DSC3: variants seen among roughly 807,000 people sequenced by gnomAD.
DSC3 encodes the protein desmocollin 3.
A neutral mutation model predicts 89.5 loss-of-function variants in DSC3; 97 were observed. That is an observed-to-expected ratio of 1.08 (90% CI 0.92 to 1.28). The LOEUF (loss-of-function observed/expected upper bound fraction) is 1.28. DSC3 is among the 50% of genes most tolerant of loss of function. The pLI, the probability that DSC3 is intolerant of heterozygous loss-of-function variation, is 0.00. For missense variants in DSC3, 1,199 were observed against 1,085.3 expected, an observed-to-expected ratio of 1.10 and a Z score of -1.47; for synonymous variants, 436 against 384.1, an observed-to-expected ratio of 1.14 and a Z score of -1.58.
Position 31,029,585 on chromosome 18 carries a change from G to A in DSC3, c.398C>T (p.Ala133Val). ...RHTRETVLRR[A>V]KRRWAPIPCS... ...AGGAATAGGTGCCCATCTCCTCTTG[G>A]CACGCCTGAGAACAGTTTCTCTAGT... The change falls in exon 4 of 16, where the codon GCC becomes GTC. Residue 133 changes from alanine (A) to valine (V), a missense_variant. By Grantham distance (64) the Ala-to-Val change is moderately conservative (BLOSUM62 0). Coordinates refer to ENST00000360428, the MANE Select transcript of DSC3 (RefSeq NM_001941.5). 1 of 1,613,784 alleles carries A rather than the reference G, an allele frequency of 6.2e-7. No individual in the cohort carries two copies. The highest frequency in any genetic ancestry group is 8.5e-7 in the Non-Finnish European group (1 of 1,179,702).
At chr18:30,997,510 C>T (rs551589177) in intron 14 of DSC3, among the ~76,000 whole-genome samples, 20 of 152,248 alleles carry the variant, frequency 1.3e-4, no homozygotes, top group African/African-American at 4.8e-4. Flanking sequence ...GCCCTCATGA[C>T]CTAATCACCT....
At chr18:30,999,421 A>G (rs1377647207) in intron 14 of DSC3, among the ~76,000 whole-genome samples, 2 of 151,614 alleles carry the variant, frequency 1.3e-5, no homozygotes, top group African/African-American at 2.4e-5. Context: ...TTAAGTTGCC[A>G]TTACAATAAA....
chr18:31,013,026 G>GA (rs992030976), intron 9 of DSC3, among the ~76,000 whole-genome samples: 4 of 152,068 alleles, frequency 2.6e-5, no homozygotes, highest in Non-Finnish European at 4.4e-5. Flanking sequence ...ATATTCATAA[G>GA]AAAAAAATCC....
chr18:31,041,601 C>A (rs1459758144), intron 1 of DSC3, among the ~76,000 whole-genome samples: 1 of 152,184 alleles, frequency 6.6e-6, no homozygotes, highest in Admixed American at 6.5e-5. Context: ...TCCATGGATG[C>A]GGGTAAGTCG....
intron 9 of DSC3, among the ~76,000 whole-genome samples, 155 bp from the exon 10 acceptor site, chr18:31,008,680 G>A (rs1324155364): frequency 1.3e-5 from 2 of 152,172 alleles, no homozygotes; most frequent in African/African-American, 4.8e-5. Flanking sequence ...ACAGAGAGTG[G>A]ATCCCGTGCT....
chr18:31,020,475 T>G (rs562469523), intron 7 of DSC3, among the ~76,000 whole-genome samples: 1 of 152,216 alleles, frequency 6.6e-6, no homozygotes, highest in Non-Finnish European at 1.5e-5. Context: ...GCAGATGGTG[T>G]GGTGATGGTG....
At chr18:31,013,666 G>A (rs16961076) in intron 9 of DSC3, among the ~76,000 whole-genome samples, 10,570 of 152,064 alleles carry the variant, frequency 0.07, 1,209 homozygotes, top group African/African-American at 0.24. Context: ...ATTCAATGGC[G>A]TCTTCATATA....
chr18:31,011,991 A>G (rs984739091), intron 9 of DSC3, among the ~76,000 whole-genome samples: 7 of 140,708 alleles, frequency 5.0e-5, no homozygotes, highest in African/African-American at 1.9e-4. Context: ...AAAAAAAAGT[A>G]CTTAAAGACA....
chr18:31,021,673 CA>C (rs1567957441), intron 7 of DSC3, among the ~76,000 whole-genome samples: 1 of 151,896 alleles, frequency 6.6e-6, no homozygotes, highest in African/African-American at 2.4e-5. Flanking sequence ...TGATTGCTGA[CA>C]AAATAGAACA....
chr18:31,022,387 C>A lies in DSC3; in HGVS notation c.891G>T (p.Val297=). The change falls in exon 7 of 16, where the codon GTG becomes GTT. Residue 297 remains valine, a synonymous_variant. Coordinates refer to ENST00000360428, the MANE Select transcript of DSC3 (RefSeq NM_001941.5). ...QTPRSPGLFS[V]HPSTGVITTV... ...TGGTGATTACGCCTGTGCTGGGATG[C>A]ACAGAAAAGAGCCCAGGTGACCTTG... The A allele has an allele frequency of 1.2e-6, 2 of 1,614,008 alleles. No individual in the cohort carries two copies. The highest frequency in any genetic ancestry group is 1.7e-6 in the Non-Finnish European group (2 of 1,179,970).
intron 1 of DSC3, among the ~76,000 whole-genome samples, chr18:31,033,875 G>C (rs775370683): frequency 6.6e-5 from 10 of 152,192 alleles, no homozygotes; most frequent in Non-Finnish European, 1.5e-4. Context: ...CCAGTCTGGA[G>C]TGCAGTGGCA....
At chr18:31,034,894 A>G (rs1985922482) in intron 1 of DSC3, among the ~76,000 whole-genome samples, 1 of 152,202 alleles carries the variant, frequency 6.6e-6, no homozygotes, top group Non-Finnish European at 1.5e-5. Context: ...CTTCAAATTT[A>G]CTACAATTCA....
At chr18:31,029,669 A>T in intron 3 of DSC3, 41 bp from the exon 4 acceptor site, 1 of 1,611,994 alleles carries the variant, frequency 6.2e-7, no homozygotes, top group South Asian at 1.1e-5. Context: ...AAACAAAAGC[A>T]TCACAGTCTA....
intron 15 of DSC3, 127 bp from the exon 16 acceptor site, chr18:30,994,499 A>G (rs1168111702): frequency 6.3e-7 from 1 of 1,589,316 alleles, no homozygotes; most frequent in African/African-American, 1.4e-5. Flanking sequence ...ATGGATTCCT[A>G]CACACAGAAA....
chr18:31,039,182 G>A (rs1398666110), intron 1 of DSC3, among the ~76,000 whole-genome samples: 1 of 151,988 alleles, frequency 6.6e-6, no homozygotes, highest in Non-Finnish European at 1.5e-5. Flanking sequence ...TAGTTTTGTT[G>A]CATTTTATAG....
At chr18:30,994,466 A>G in intron 15 of DSC3, 94 bp from the exon 16 acceptor site, 2 of 1,597,494 alleles carry the variant, frequency 1.3e-6, no homozygotes, top group South Asian at 2.2e-5. Context: ...TTTATGTTTA[A>G]TTTTTAACCA....
intron 1 of DSC3, among the ~76,000 whole-genome samples, chr18:31,039,748 G>T (rs1352950334): frequency 6.6e-6 from 1 of 152,168 alleles, no homozygotes; most frequent in South Asian, 2.1e-4. Flanking sequence ...AAATGTGCAT[G>T]AGCTTACATT....
intron 14 of DSC3, among the ~76,000 whole-genome samples, chr18:31,001,053 A>C (rs1019479216): frequency 5.7e-5 from 8 of 141,094 alleles, no homozygotes; most frequent in African/African-American, 2.1e-4. Context: ...GTGTGTGTAT[A>C]TATATACTTT....
intron 14 of DSC3, 117 bp downstream of exon 14, chr18:31,001,501 C>A: frequency 5.2e-6 from 6 of 1,163,650 alleles, no homozygotes; most frequent in Non-Finnish European, 6.1e-6. Flanking sequence ...AATATCTATG[C>A]CTATGAAATC....
Sources: allele counts gnomAD v4.1 joint callset (sites outside exome capture counted in the v4.1 genomes callset), GRCh38; gene constraint gnomAD v4.1.1; transcripts MANE v1.5; gene names NCBI Gene and HGNC (gene_info 2026-07-23, HGNC 2026-07-21).